The following JAK2 variants were observed in gnomAD, a reference collection of about 807,000 sequenced individuals.
JAK2 encodes tyrosine-protein kinase JAK2.
In JAK2, 86 loss-of-function variants were observed where a neutral mutation model predicts 139.3. That is an observed-to-expected ratio of 0.62 (90% CI 0.52 to 0.74). JAK2 has a LOEUF of 0.74. Ranked by LOEUF, JAK2 falls within the 30% of genes least tolerant of loss-of-function variation. JAK2 has a pLI of 0.00. For synonymous variants in JAK2, 490 were observed against 437.7 expected (o/e 1.12, Z -1.49); for missense variants, 1,421 against 1,360.3 (o/e 1.04, Z -0.70).
At chr9:5,091,884 C>A (rs1820604386) in intron 22 of JAK2, among the ~76,000 whole-genome samples, 1 of 151,876 alleles carries the variant, frequency 6.6e-6, no homozygotes, top group Admixed American at 6.6e-5. Flanking sequence ...AGTAAGAGAC[C>A]TAGGGTGGTT....
chr9:5,122,013 AAAG>A (rs1168846434), intron 22 of JAK2, among the ~76,000 whole-genome samples: 1 of 152,190 alleles, frequency 6.6e-6, no homozygotes, highest in Non-Finnish European at 1.5e-5. Context: ...CTAAATGTAA[AAAG>A]AATATAGCAT....
intron 12 of JAK2, 102 bp downstream of exon 12, chr9:5,070,154 C>A (rs1183272856): frequency 2.7e-5 from 20 of 737,456 alleles, no homozygotes; most frequent in Non-Finnish European, 4.0e-5. Flanking sequence ...TTGTTATATA[C>A]AAATTTAGTT....
chr9:5,026,019 C>G (rs1167261244), intron 3 of JAK2, among the ~76,000 whole-genome samples: 1 of 151,840 alleles, frequency 6.6e-6, no homozygotes, highest in Non-Finnish European at 1.5e-5. Flanking sequence ...CTCTTTTTTT[C>G]TTATTATCCT....
At chr9:5,063,566 T>C (rs1818337886) in intron 8 of JAK2, among the ~76,000 whole-genome samples, 1 of 152,216 alleles carries the variant, frequency 6.6e-6, no homozygotes, top group Non-Finnish European at 1.5e-5. Flanking sequence ...CTCTGGTATT[T>C]GTTGGTATCT....
At chr9:5,123,297 C>T (rs1823758076) in intron 23 of JAK2, among the ~76,000 whole-genome samples, 176 bp downstream of exon 23, 1 of 151,978 alleles carries the variant, frequency 6.6e-6, no homozygotes, top group South Asian at 2.1e-4. Context: ...AATTTCTCAG[C>T]ATCTACTCCA....
At chr9:5,033,246 T>C (rs1219925619) in intron 4 of JAK2, among the ~76,000 whole-genome samples, 1 of 152,138 alleles carries the variant, frequency 6.6e-6, no homozygotes, top group Non-Finnish European at 1.5e-5. Flanking sequence ...TGGGACTATG[T>C]GAAAAGACCA....
chr9:5,022,483 G>A (rs1433246274), intron 3 of JAK2, among the ~76,000 whole-genome samples: 2 of 152,084 alleles, frequency 1.3e-5, no homozygotes, highest in Non-Finnish European at 2.9e-5. Flanking sequence ...AAAAAATCCT[G>A]TCATGGGCTA....
chr9:5,008,219 G>T (rs1047338639), intron 2 of JAK2, among the ~76,000 whole-genome samples: 3 of 152,090 alleles, frequency 2.0e-5, no homozygotes, highest in African/African-American at 7.2e-5. Context: ...TAAAATGTTT[G>T]CTTGTTCCAT....
At position 5,042,831 on chromosome 9, in the gene JAK2, G is replaced by T. The variant is rs572490380; in HGVS notation, c.351-1572G>T. ...TGGGGCCGCGGCTGAAGCCAGCCCCGCAACCAAAATGCTGCACCAAAGCTC... is the reference window on the plus strand; with the variant it reads ...TGGGGCCGCGGCTGAAGCCAGCCCCTCAACCAAAATGCTGCACCAAAGCTC... On this transcript the variant is annotated intron_variant, in intron 4 of 24. Coordinates refer to ENST00000381652, the MANE Select transcript of JAK2 (RefSeq NM_004972.4). Among the ~76,000 whole-genome samples the T allele has an allele frequency of 1.6e-3, 242 of 152,312 alleles. 3 individuals carry two copies. The highest frequency in any genetic ancestry group is 5.5e-3 in the African/African-American group (229 of 41,590).
intron 18 of JAK2, among the ~76,000 whole-genome samples, chr9:5,080,964 C>T (rs1483864525): frequency 1.4e-5 from 2 of 139,846 alleles, no homozygotes; most frequent in African/African-American, 2.7e-5. Context: ...GGCGCGATCT[C>T]GGCTCACTGC....
At chr9:4,993,747 A>G (rs1393444635) in intron 2 of JAK2, among the ~76,000 whole-genome samples, 2 of 152,186 alleles carry the variant, frequency 1.3e-5, no homozygotes, top group Non-Finnish European at 2.9e-5. Flanking sequence ...TCCTGGCTAT[A>G]TAGCAGGTCC....
chr9:5,113,761 G>C (rs1822871675), intron 22 of JAK2: 1 of 166,428 alleles, frequency 6.0e-6, no homozygotes, highest in South Asian at 1.6e-4. Flanking sequence ...TCACCAGCCA[G>C]CTGACTGCCT....
chr9:5,030,008 A>ACC (rs1823039194), intron 4 of JAK2, 102 bp downstream of exon 4: 3 of 942,250 alleles, frequency 3.2e-6, no homozygotes, highest in Non-Finnish European at 4.7e-6. Flanking sequence ...AGATACCTGA[A>ACC]CCAATTAGTT....
intron 4 of JAK2, among the ~76,000 whole-genome samples, chr9:5,032,190 G>A (rs923319088): frequency 7.2e-5 from 11 of 152,222 alleles, no homozygotes; most frequent in African/African-American, 1.9e-4. Context: ...AGGTGGCAGC[G>A]AGGCTGGGGG....
At chr9:5,114,564 C>G in intron 22 of JAK2, 1 of 489,346 alleles carries the variant, frequency 2.0e-6, no homozygotes, top group Non-Finnish European at 4.0e-6. Context: ...CTGCCTGATC[C>G]AGAACTTCTG....
chr9:5,037,865 A>C (rs1816182774), intron 4 of JAK2, among the ~76,000 whole-genome samples: 1 of 152,224 alleles, frequency 6.6e-6, no homozygotes, highest in African/African-American at 2.4e-5. Flanking sequence ...ATAGAAAAAA[A>C]TGAAAAGGCA....
intron 4 of JAK2, among the ~76,000 whole-genome samples, chr9:5,037,039 G>A (rs1248980068): frequency 6.6e-6 from 1 of 152,176 alleles, no homozygotes; most frequent in African/African-American, 2.4e-5. Flanking sequence ...CCATCAAAAA[G>A]TGGGCGAAGG....
intron 2 of JAK2, among the ~76,000 whole-genome samples, chr9:4,998,968 C>A (rs1246412371): frequency 6.6e-6 from 1 of 151,070 alleles, no homozygotes; most frequent in East Asian, 2.0e-4. Flanking sequence ...ACTACAGGTG[C>A]CCGCCACCAC....
intron 4 of JAK2, among the ~76,000 whole-genome samples, chr9:5,037,029 C>G (rs756420163): frequency 7.9e-5 from 12 of 152,072 alleles, no homozygotes; most frequent in Non-Finnish European, 1.5e-4. Flanking sequence ...AACAACAACC[C>G]CATCAAAAAG....
Sources: allele counts gnomAD v4.1 joint callset (sites outside exome capture counted in the v4.1 genomes callset), GRCh38; gene constraint gnomAD v4.1.1; transcripts MANE v1.5; gene names NCBI Gene and HGNC (gene_info 2026-07-23, HGNC 2026-07-21).